Variants in ASTN1 observed in about 807,000 individuals in gnomAD.
ASTN1 encodes astrotactin-1.
ASTN1 carries 41 observed loss-of-function variants against 140.7 expected under a neutral mutation model. That is an observed-to-expected ratio of 0.29 (90% CI 0.23 to 0.38). ASTN1 has a LOEUF of 0.38. Among genes scored for constraint, ASTN1 ranks in the 10% least tolerant of loss-of-function variants. The probability of loss-of-function intolerance (pLI) is 1.00; values close to 1 mark genes in which losing one functional copy is unlikely to be tolerated. For synonymous variants in ASTN1, 640 were observed against 652.2 expected (o/e 0.98, Z 0.29); for missense variants, 1,479 against 1,678.8 (o/e 0.88, Z 2.08).
At chr1:177,155,666 C>T (rs1227788219) in intron 1 of ASTN1, among the ~76,000 whole-genome samples, 1 of 152,028 alleles carries the variant, frequency 6.6e-6, no homozygotes, top group Non-Finnish European at 1.5e-5. Context: ...TCAGGTTACT[C>T]ATTGTTGGAG....
At chr1:176,912,140 G>A (rs1259723575) in intron 16 of ASTN1, among the ~76,000 whole-genome samples, 1 of 152,192 alleles carries the variant, frequency 6.6e-6, no homozygotes, top group East Asian at 1.9e-4. Flanking sequence ...TGAGAAGGAA[G>A]CTTTTGGGAT....
rs61758730 is a variant in ASTN1, at chr1:176,864,350, C to A, written c.3819G>T (p.Arg1273Ser). Residue 1273 changes from arginine (R) to serine (S), a missense_variant, in exon 23 of 23, where the codon AGG becomes AGT. This residue lies in a region of ASTN1 where 746 missense variants were observed against 800.9 expected (regional missense o/e 0.93). Coordinates refer to ENST00000361833, the MANE Select transcript of ASTN1 (RefSeq NM_004319.3). ...TCAGGGTCTGCTCCTCACACGTCTT[C>A]CTGAGGTCCCGGCTGAGCTCCGCCC... ...LDWAELSRDLRKTCEEQTLSI... is the reference protein window; with the variant it reads ...LDWAELSRDLSKTCEEQTLSI... 1 of 1,614,122 alleles carries A rather than the reference C, an allele frequency of 6.2e-7. No individual in the cohort carries two copies. Among genetic ancestry groups the A allele is most frequent in the Admixed American group, 1.7e-5 (1 of 60,030 alleles).
Position 176,862,587 on chromosome 1 carries a change from G to T in ASTN1, c.*1697C>A, listed in dbSNP as rs1557917584. ...GAACTGGGTATCCCAGAGTAGCTAA[G>T]ATCCTGTGCCCTGGAGACCAACAGC... On this transcript the variant is annotated 3_prime_UTR_variant, in exon 23 of 23. Coordinates refer to ENST00000361833, the MANE Select transcript of ASTN1 (RefSeq NM_004319.3). 3 of 984,904 alleles carry T rather than the reference G, an allele frequency of 3.0e-6. No homozygotes were observed. The highest frequency in any genetic ancestry group is 1.1e-4 in the East Asian group (1 of 8,816). 61.0% of individuals were successfully genotyped at this position (984,904 alleles called of 1,614,324 possible).
intron 1 of ASTN1, among the ~76,000 whole-genome samples, chr1:177,069,546 GA>G (rs769688647): frequency 2.2e-4 from 34 of 152,156 alleles, no homozygotes; most frequent in Non-Finnish European, 4.6e-4. Context: ...AGTCTTGATG[GA>G]AAGCAGTGAA....
rs533960916 is a variant in ASTN1 at position 177,032,512 on chromosome 1, C to T, written c.809G>A (p.Arg270His). ...GGEDFASQVT[R>H]TLDSLQGCNE... ...GCAGCCCTGCAGGGAGTCGAGGGTG[C>T]GCGTGACCTGGCTGGCAAAGTCCTC... The change falls in exon 3 of 23, where the codon CGC becomes CAC. Residue 270 changes from arginine to histidine, a missense_variant. Around this residue, in one of 3 missense-constraint regions of ASTN1, gnomAD observed 729 missense variants for 860.4 expected, o/e 0.85. Coordinates refer to ENST00000361833, the MANE Select transcript of ASTN1 (RefSeq NM_004319.3). 3.1e-6 allele frequency: 5 copies of T among 1,613,974 alleles called. No individual in the cohort carries two copies. Among genetic ancestry groups the T allele is most frequent in the South Asian group, 1.1e-5 (1 of 91,078 alleles).
chr1:177,060,117 TA>T (rs773606473), intron 2 of ASTN1, among the ~76,000 whole-genome samples: 2 of 151,946 alleles, frequency 1.3e-5, no homozygotes, highest in South Asian at 2.1e-4. Flanking sequence ...GACACATCAG[TA>T]AAAAAAACAA....
intron 2 of ASTN1, among the ~76,000 whole-genome samples, chr1:177,039,677 G>A (rs1349348981): frequency 6.6e-6 from 1 of 152,184 alleles, no homozygotes; most frequent in Non-Finnish European, 1.5e-5. Flanking sequence ...AAATTGCAGA[G>A]CCCCTTTGAA....
chr1:176,988,916 T>A (rs970997133), intron 8 of ASTN1, among the ~76,000 whole-genome samples: 1 of 152,226 alleles, frequency 6.6e-6, no homozygotes, highest in African/African-American at 2.4e-5. Flanking sequence ...AATGATTGAT[T>A]GTAAGTATAA....
chr1:177,039,766 G>A (rs983712805), intron 2 of ASTN1, among the ~76,000 whole-genome samples: 10 of 152,160 alleles, frequency 6.6e-5, no homozygotes, highest in African/African-American at 2.4e-4. Flanking sequence ...TTTTCTGATT[G>A]TAACACTGAT....
At chr1:176,895,906 C>T (rs1352964774) in intron 16 of ASTN1, among the ~76,000 whole-genome samples, 1 of 152,130 alleles carries the variant, frequency 6.6e-6, no homozygotes, top group Admixed American at 6.5e-5. Flanking sequence ...TTCAGAGAGA[C>T]CACTAAGCTT....
At chr1:177,156,029 T>TGGGAG (rs961187265) in intron 1 of ASTN1, among the ~76,000 whole-genome samples, 1 of 151,968 alleles carries the variant, frequency 6.6e-6, no homozygotes, top group African/African-American at 2.4e-5. Flanking sequence ...CCTAGCACTT[T>TGGGAG]GGGAGGCTGA....
chr1:177,149,042 AATATATATATAGCAAAT>A (rs1682850883), intron 1 of ASTN1, among the ~76,000 whole-genome samples: 1 of 141,574 alleles, frequency 7.1e-6, no homozygotes, highest in African/African-American at 2.6e-5. Flanking sequence ...ATATATAGTA[AATATATATATAGCAAAT>A]ATATATAGTA....
chr1:176,878,801 C>T (rs1486965649), intron 20 of ASTN1, among the ~76,000 whole-genome samples: 2 of 152,126 alleles, frequency 1.3e-5, no homozygotes, highest in Non-Finnish European at 2.9e-5. Flanking sequence ...TCCCACAAGG[C>T]GAAGTTCCCC....
chr1:176,937,017 A>G (rs1053543979), intron 14 of ASTN1, among the ~76,000 whole-genome samples: 5 of 152,256 alleles, frequency 3.3e-5, no homozygotes, highest in Admixed American at 3.3e-4. Flanking sequence ...TCCCTAAGAC[A>G]CCAGGTAAGC....
At chr1:176,945,837 C>T in intron 13 of ASTN1, 89 bp downstream of exon 13, 1 of 1,329,742 alleles carries the variant, frequency 7.5e-7, no homozygotes, top group Non-Finnish European at 1.0e-6. Context: ...TACCCTGCTC[C>T]AACATATAAA....
At position 176,863,273 on chromosome 1, in the gene ASTN1, A is replaced by G; in HGVS notation, c.*1011T>C. The stretch of plus-strand genomic sequence containing the variant: ...GGATGAACAGAAGTTTTTTGTGATC[A>G]ATAATAGCTTTAGTTCACTGTAACA... On this transcript the variant is annotated 3_prime_UTR_variant, in exon 23 of 23. Coordinates refer to ENST00000361833, the MANE Select transcript of ASTN1 (RefSeq NM_004319.3). 1 of 985,876 alleles carries G rather than the reference A, an allele frequency of 1.0e-6. No homozygotes were observed. The allele number at this position is 985,876 out of a possible 1,614,324, so 61.1% of individuals were successfully genotyped here.
intron 1 of ASTN1, among the ~76,000 whole-genome samples, chr1:177,097,274 AT>A (rs1342300143): frequency 6.6e-6 from 1 of 151,994 alleles, no homozygotes; most frequent in Non-Finnish European, 1.5e-5. Flanking sequence ...TCCCATTATT[AT>A]TTTTTTCTCC....
chr1:176,868,188 G>C (rs1193878173), intron 22 of ASTN1, among the ~76,000 whole-genome samples: 1 of 152,144 alleles, frequency 6.6e-6, no homozygotes, highest in African/African-American at 2.4e-5. Flanking sequence ...GCAATATACA[G>C]TTATGATTAA....
At chr1:176,987,909 G>A (rs948311464) in intron 8 of ASTN1, among the ~76,000 whole-genome samples, 2 of 152,176 alleles carry the variant, frequency 1.3e-5, no homozygotes, top group African/African-American at 4.8e-5. Flanking sequence ...AACAGGATAT[G>A]TGTGAACTCT....
Sources: allele counts gnomAD v4.1 joint callset (sites outside exome capture counted in the v4.1 genomes callset), GRCh38; gene constraint gnomAD v4.1.1; regional missense constraint gnomAD v4.1.1; transcripts MANE v1.5; gene names NCBI Gene and HGNC (gene_info 2026-07-23, HGNC 2026-07-21).